TNRC6B: variants seen among roughly 807,000 people sequenced by gnomAD.
TNRC6B encodes trinucleotide repeat-containing gene 6B protein.
TNRC6B carries 52 observed loss-of-function variants against 203.6 expected under a neutral mutation model. The ratio of observed to expected loss-of-function variants is 0.26; its 90% confidence interval spans 0.20 to 0.32. The LOEUF (loss-of-function observed/expected upper bound fraction) is 0.32, where lower values mean the gene tolerates loss of function less well. Among genes scored for constraint, TNRC6B ranks in the 10% least tolerant of loss-of-function variants. TNRC6B has a pLI of 1.00. For synonymous variants in TNRC6B, 838 were observed against 845.7 expected (o/e 0.99, Z 0.16); for missense variants, 1,923 against 2,286.2 (o/e 0.84, Z 3.24).
intron 3 of TNRC6B, among the ~76,000 whole-genome samples, chr22:40,153,401 G>T (rs1601845130): frequency 6.6e-6 from 1 of 152,134 alleles, no homozygotes; most frequent in East Asian, 1.9e-4. Flanking sequence ...ATCCAGTTCG[G>T]AGCAGGAGAA....
intron 7 of TNRC6B, among the ~76,000 whole-genome samples, chr22:40,274,103 G>A (rs929681405): frequency 1.3e-5 from 2 of 152,112 alleles, no homozygotes; most frequent in African/African-American, 4.8e-5. Context: ...TAAAACTGTT[G>A]CTGTGGGTAA....
chr22:40,284,350 T>C (rs2070756550), intron 11 of TNRC6B, among the ~76,000 whole-genome samples: 1 of 152,224 alleles, frequency 6.6e-6, no homozygotes. Flanking sequence ...TTTTTAGTGT[T>C]GTAGGTTTTA....
intron 3 of TNRC6B, among the ~76,000 whole-genome samples, chr22:40,132,963 A>T (rs1435623672): frequency 1.1e-3 from 93 of 80,886 alleles, no homozygotes; most frequent in Middle Eastern, 5.6e-3. Flanking sequence ...AAAAAAAAAA[A>T]AAAAAAATAT....
chr22:40,286,969 C>T (rs969896050), intron 12 of TNRC6B, among the ~76,000 whole-genome samples: 1 of 152,258 alleles, frequency 6.6e-6, no homozygotes, highest in African/African-American at 2.4e-5. Context: ...ATCCAACCAG[C>T]AGGTTGTAAA....
chr22:40,139,386 C>T (rs6001797), intron 3 of TNRC6B, among the ~76,000 whole-genome samples: 165 of 142,150 alleles, frequency 1.2e-3, no homozygotes, highest in African/African-American at 4.2e-3. Context: ...GGATGGAGTG[C>T]AGTGGTGCGA....
At chr22:40,171,134 G>A (rs1324291952) in intron 4 of TNRC6B, among the ~76,000 whole-genome samples, 2 of 146,860 alleles carry the variant, frequency 1.4e-5, no homozygotes, top group Admixed American at 6.8e-5. Flanking sequence ...TTTCAAATGT[G>A]ATGAACATTT....
chr22:40,246,125 G>A (rs2070103564), intron 2 of TNRC6B, 23 bp downstream of exon 2: 1 of 1,515,278 alleles, frequency 6.6e-7, no homozygotes, highest in Non-Finnish European at 8.9e-7. Flanking sequence ...AGTTAAGTCT[G>A]TCTTTTTATC....
intron 3 of TNRC6B, among the ~76,000 whole-genome samples, chr22:40,128,101 C>T (rs564484639): frequency 9.6e-4 from 146 of 152,240 alleles, no homozygotes; most frequent in African/African-American, 3.3e-3. Flanking sequence ...AATAAGAGAA[C>T]ATTCTTTTTA....
chr22:40,074,255 AAAG>A (rs913888165), intron 1 of TNRC6B, among the ~76,000 whole-genome samples: 5 of 151,398 alleles, frequency 3.3e-5, no homozygotes, highest in East Asian at 1.9e-4. Flanking sequence ...AAAAAAAAGA[AAAG>A]AAAATGGTAA....
At chr22:40,134,467 G>T (rs745711653) in intron 3 of TNRC6B, among the ~76,000 whole-genome samples, 7 of 152,200 alleles carry the variant, frequency 4.6e-5, no homozygotes, top group African/African-American at 7.2e-5. Flanking sequence ...CAGCTAAGGA[G>T]ACACAATGAC....
At chr22:40,067,523 G>A (rs915518934) in intron 1 of TNRC6B, among the ~76,000 whole-genome samples, 5 of 152,090 alleles carry the variant, frequency 3.3e-5, no homozygotes, top group African/African-American at 9.7e-5. Flanking sequence ...TCTGCAAGTC[G>A]GAGAACCAGA....
chr22:40,090,439 T>A (rs2068141218), intron 1 of TNRC6B, among the ~76,000 whole-genome samples: 1 of 151,942 alleles, frequency 6.6e-6, no homozygotes. Context: ...CCTAATGACA[T>A]ATGATGTTGA....
chr22:40,144,782 T>C (rs1477526195), intron 3 of TNRC6B, among the ~76,000 whole-genome samples: 7 of 152,054 alleles, frequency 4.6e-5, no homozygotes, highest in Admixed American at 4.6e-4. Flanking sequence ...TGGTACATAC[T>C]GTCAGATCCC....
chr22:40,199,086 C>T (rs2069376726), intron 1 of TNRC6B, among the ~76,000 whole-genome samples: 1 of 152,072 alleles, frequency 6.6e-6, no homozygotes, highest in South Asian at 2.1e-4. Flanking sequence ...GACCCAGAGT[C>T]AGTTTGAAGC....
upstream of TNRC6B, among the ~76,000 whole-genome samples, chr22:40,176,681 A>C (rs2069065132): frequency 6.6e-6 from 1 of 152,136 alleles, no homozygotes; most frequent in Non-Finnish European, 1.5e-5. Context: ...TTCCTTATAC[A>C]GTTTACAGTC....
chr22:40,169,256 C>T (rs1050510261), intron 4 of TNRC6B, among the ~76,000 whole-genome samples: 8 of 151,456 alleles, frequency 5.3e-5, no homozygotes, highest in African/African-American at 1.5e-4. Context: ...CTCAGCCTCC[C>T]GAGTAGCTGG....
intron 1 of TNRC6B, among the ~76,000 whole-genome samples, chr22:40,180,847 A>C (rs1385984475): frequency 6.6e-6 from 1 of 152,138 alleles, no homozygotes; most frequent in Non-Finnish European, 1.5e-5. Context: ...TATGCAGAGG[A>C]AGTTTCTTAT....
At chr22:40,242,242 A>T (rs1334998536) in intron 1 of TNRC6B, among the ~76,000 whole-genome samples, 2 of 151,936 alleles carry the variant, frequency 1.3e-5, no homozygotes, top group Non-Finnish European at 2.9e-5. Flanking sequence ...AGGAATATAT[A>T]CTCACATATG....
At chr22:40,185,581 G>A (rs1047412478) in intron 1 of TNRC6B, among the ~76,000 whole-genome samples, 3 of 152,180 alleles carry the variant, frequency 2.0e-5, no homozygotes, top group Non-Finnish European at 4.4e-5. Flanking sequence ...ATGGCAGGCT[G>A]TATTAGCTAG....
Sources: allele counts gnomAD v4.1 joint callset (sites outside exome capture counted in the v4.1 genomes callset), GRCh38; gene constraint gnomAD v4.1.1; transcripts MANE v1.5; gene names NCBI Gene and HGNC (gene_info 2026-07-23, HGNC 2026-07-21).